SLC2A9: variants seen among roughly 807,000 people sequenced by gnomAD.
SLC2A9 encodes the protein solute carrier family 2, facilitated glucose transporter member 9.
Under a neutral mutation model 50.6 loss-of-function variants are expected in SLC2A9, and 39 were observed. That is an observed-to-expected ratio of 0.77 (90% CI 0.60 to 1.01). SLC2A9 has a LOEUF of 1.01. Ranked by LOEUF, SLC2A9 falls within the 50% of genes least tolerant of loss-of-function variation. The probability of loss-of-function intolerance (pLI) is 0.00; values close to 1 mark genes in which losing one functional copy is unlikely to be tolerated. For missense variants in SLC2A9, 686 were observed against 677.6 expected (o/e 1.01, Z -0.14); for synonymous variants, 324 against 276.9 (o/e 1.17, Z -1.69).
At chr4:9,956,012 G>A (rs1751210898) in intron 5 of SLC2A9, among the ~76,000 whole-genome samples, 1 of 151,352 alleles carries the variant, frequency 6.6e-6, no homozygotes, top group Admixed American at 6.6e-5. Context: ...CGAGTAGCTG[G>A]GATTACAGGC....
chr4:9,920,231 A>C (rs2110082421), intron 7 of SLC2A9, among the ~76,000 whole-genome samples, 154 bp downstream of exon 7: 1 of 152,350 alleles, frequency 6.6e-6, no homozygotes, highest in Non-Finnish European at 1.5e-5. Context: ...GAAACTGAGG[A>C]TCAGTCAAGT....
At chr4:9,805,501 C>T (rs138837010) in intron 3 of SLC2A9, among the ~76,000 whole-genome samples, 1 of 152,212 alleles carries the variant, frequency 6.6e-6, no homozygotes, top group Non-Finnish European at 1.5e-5. Context: ...GAGTTTGACA[C>T]CACCCTGGGC....
intron 1 of SLC2A9, among the ~76,000 whole-genome samples, chr4:10,037,820 G>T (rs552629132): frequency 7.2e-5 from 11 of 152,044 alleles, no homozygotes; most frequent in African/African-American, 2.7e-4. Context: ...GGCGGGTAGC[G>T]CATGCCTGTA....
At chr4:9,820,463 T>C (rs1355406129) in intron 3 of SLC2A9, among the ~76,000 whole-genome samples, 1 of 152,244 alleles carries the variant, frequency 6.6e-6, no homozygotes, top group African/African-American at 2.4e-5. Context: ...ATAAGCTTGT[T>C]AATTTCTATA....
chr4:9,771,185 A>T (rs533845949), exon 2 of SLC2A9: 3 of 287,662 alleles, frequency 1.0e-5, no homozygotes, highest in African/African-American at 6.5e-5. Context: ...AACTTATATT[A>T]GTCAAGCAAC....
intron 2 of SLC2A9, among the ~76,000 whole-genome samples, chr4:10,009,080 G>A (rs1761324870): frequency 6.6e-6 from 1 of 152,154 alleles, no homozygotes; most frequent in Admixed American, 6.6e-5. Flanking sequence ...ACAATGCACA[G>A]GGTCCTCCTG....
intron 3 of SLC2A9, among the ~76,000 whole-genome samples, chr4:9,800,906 T>C (rs1188112353): frequency 1.3e-5 from 2 of 152,134 alleles, no homozygotes; most frequent in African/African-American, 2.4e-5. Flanking sequence ...GAGGGACAAC[T>C]GTATTTTGTT....
At chr4:9,929,352 T>C (rs943481038) in intron 6 of SLC2A9, among the ~76,000 whole-genome samples, 8 of 152,190 alleles carry the variant, frequency 5.3e-5, no homozygotes, top group African/African-American at 1.9e-4. Flanking sequence ...GAGACTTCTA[T>C]GGGCAAAGGG....
intron 2 of SLC2A9, among the ~76,000 whole-genome samples, chr4:10,003,427 G>A (rs1760203970): frequency 6.6e-6 from 1 of 152,226 alleles, no homozygotes; most frequent in Non-Finnish European, 1.5e-5. Flanking sequence ...ATTGCTTTGG[G>A]AGTCTGTGGA....
chr4:9,802,127 C>G (rs1434852077), intron 3 of SLC2A9, among the ~76,000 whole-genome samples: 1 of 152,172 alleles, frequency 6.6e-6, no homozygotes, highest in Admixed American at 6.5e-5. Flanking sequence ...CAAGTGCTTA[C>G]TAGCCAGGCT....
At chr4:9,775,038 G>C (rs895863428), downstream of SLC2A9, among the ~76,000 whole-genome samples, 2 of 152,138 alleles carry the variant, frequency 1.3e-5, no homozygotes, top group African/African-American at 4.8e-5. Context: ...GACCACTGAG[G>C]CCAGAGAATT....
chr4:9,990,746 G>T (rs762684669), intron 3 of SLC2A9, among the ~76,000 whole-genome samples: 4 of 152,158 alleles, frequency 2.6e-5, no homozygotes, highest in Non-Finnish European at 5.9e-5. Context: ...CTGCCGTCCC[G>T]AAGTCTTCTG....
intron 3 of SLC2A9, among the ~76,000 whole-genome samples, chr4:9,990,568 G>C (rs901359741): frequency 1.3e-5 from 2 of 152,136 alleles, no homozygotes; most frequent in African/African-American, 4.8e-5. Context: ...AGTGGGGGAT[G>C]GGGTTGAAGA....
rs913184135 is a variant in SLC2A9, at chr4:9,995,176, T to C, written c.410+1605A>G. Among the ~76,000 whole-genome samples the C allele has an allele frequency of 3.3e-5, 5 of 152,162 alleles. No homozygotes were observed. In the South Asian group the frequency reaches 6.2e-4, roughly 19 times the overall value. ...CCCCATCTACAGACCCCACAGCAGA[T>C]AGAAAATTAAACAAGAGAATGTGTG... is the stretch of plus-strand genomic sequence containing the variant. On this transcript the variant is annotated intron_variant, in intron 3 of 11. Transcript: ENST00000264784.
chr4:9,873,369 T>C (rs1577636874), intron 10 of SLC2A9, among the ~76,000 whole-genome samples: 1 of 152,214 alleles, frequency 6.6e-6, no homozygotes, highest in East Asian at 1.9e-4. Context: ...AGTTACTGCC[T>C]CCAGGCAATT....
chr4:9,821,205 A>C (rs1027669413), intron 3 of SLC2A9, among the ~76,000 whole-genome samples: 1 of 152,212 alleles, frequency 6.6e-6, no homozygotes, highest in African/African-American at 2.4e-5. Context: ...TTTTCCCCTC[A>C]GTCAGTTAAT....
At chr4:9,919,342 T>C (rs1243615152) in intron 7 of SLC2A9, among the ~76,000 whole-genome samples, 2 of 152,192 alleles carry the variant, frequency 1.3e-5, no homozygotes, top group African/African-American at 4.8e-5. Flanking sequence ...CAAGGTGATC[T>C]CATTTCATCC....
intron 2 of SLC2A9, among the ~76,000 whole-genome samples, chr4:10,008,677 C>T (rs1028330399): frequency 2.6e-5 from 4 of 152,102 alleles, no homozygotes; most frequent in South Asian, 2.1e-4. Context: ...ACATTAAAAG[C>T]GGCCTCTGGA....
intron 5 of SLC2A9, among the ~76,000 whole-genome samples, chr4:9,945,997 A>G (rs1160495526): frequency 6.6e-6 from 1 of 152,186 alleles, no homozygotes; most frequent in African/African-American, 2.4e-5. Context: ...ATGTTTTAAA[A>G]AACCGCATAT....
Sources: allele counts gnomAD v4.1 joint callset (sites outside exome capture counted in the v4.1 genomes callset), GRCh38; gene constraint gnomAD v4.1.1; transcripts MANE v1.5; gene names NCBI Gene and HGNC (gene_info 2026-07-23, HGNC 2026-07-21).